Variants in CHKA observed in about 807,000 individuals in gnomAD.
The protein encoded by CHKA is CHETK-alpha.
Under a neutral mutation model 60.1 loss-of-function variants are expected in CHKA, and 34 were observed. The observed-to-expected ratio is 0.57, with a 90% confidence interval of 0.43 to 0.75. CHKA has a LOEUF of 0.75. CHKA is among the 30% of genes least tolerant of loss of function. The probability of loss-of-function intolerance (pLI) is 0.00; values close to 1 mark genes in which losing one functional copy is unlikely to be tolerated. For synonymous variants in CHKA, 217 were observed against 223.1 expected (o/e 0.97, Z 0.24); for missense variants, 563 against 561.3 (o/e 1.00, Z -0.03).
intron 10 of CHKA, among the ~76,000 whole-genome samples, chr11:68,062,588 A>G (rs925708570): frequency 1.3e-5 from 2 of 152,130 alleles, no homozygotes; most frequent in African/African-American, 4.8e-5. Flanking sequence ...CCAAGCCCCC[A>G]AGTCACTGTG....
At position 68,053,194 on chromosome 11, in the gene CHKA, G is replaced by C. The variant is rs567566635; in HGVS notation, c.*794C>G. 1 of 156,378 alleles carries C rather than the reference G, an allele frequency of 6.4e-6. No individual in the cohort carries two copies. The highest frequency in any genetic ancestry group is 6.4e-5 in the Admixed American group (1 of 15,646). 9.7% of individuals were successfully genotyped at this position (156,378 alleles called of 1,614,324 possible). ...GCAGAGGGCAGGAGAGGCCCAAAGA[G>C]CTAGGTCAAGCAGCTGGCTCCCCTG... On this transcript the variant is annotated 3_prime_UTR_variant, in exon 12 of 12. Transcript: ENST00000265689.
chr11:68,064,555 A>G lies in CHKA; in HGVS notation c.1202T>C (p.Ile401Thr), dbSNP rs145358463. Residue 401 changes from isoleucine to threonine, a missense_variant, in exon 10 of 12, where the codon ATA becomes ACA. Transcript: ENST00000265689. ...ENLSTEEKSI[I>T]KEEMLLEVNR... Reference sequence around the variant, plus strand: ...AACTTCAAGCAACATTTCTTCTTTTATAATGGATTTTTCTTCAGTACTGAG... The same window carrying G: ...AACTTCAAGCAACATTTCTTCTTTTGTAATGGATTTTTCTTCAGTACTGAG... 1.0e-5 allele frequency: 16 copies of G among 1,576,636 alleles called. No homozygotes were observed. The African/African-American group carries it at 1.9e-4, about 19-fold the overall frequency.
intron 5 of CHKA, 42 bp downstream of exon 5, chr11:68,070,682 C>T (rs1226403439): frequency 6.3e-7 from 1 of 1,588,452 alleles, no homozygotes; most frequent in Non-Finnish European, 8.6e-7. Context: ...TGGGAGCCAC[C>T]ACTGTAAAAC....
At chr11:68,077,057 G>A (rs967383939) in intron 3 of CHKA, among the ~76,000 whole-genome samples, 2 of 152,216 alleles carry the variant, frequency 1.3e-5, no homozygotes, top group African/African-American at 2.4e-5. Context: ...GGCCAACAGG[G>A]TGAAACCCTG....
intron 2 of CHKA, among the ~76,000 whole-genome samples, chr11:68,083,342 T>C (rs1857046736): frequency 6.6e-6 from 1 of 152,112 alleles, no homozygotes; most frequent in Non-Finnish European, 1.5e-5. Context: ...AGTCCTTGTG[T>C]TTTTTTCTCC....
chr11:68,095,721 A>AC (rs1857485570), intron 2 of CHKA, among the ~76,000 whole-genome samples: 3 of 143,198 alleles, frequency 2.1e-5, no homozygotes, highest in African/African-American at 7.8e-5. Flanking sequence ...AAAAAAAAAA[A>AC]AAAAAAAAAA....
intron 8 of CHKA, 38 bp from the exon 9 acceptor site, chr11:68,065,932 A>T: frequency 7.0e-7 from 1 of 1,429,668 alleles, no homozygotes; most frequent in Non-Finnish European, 9.8e-7. Context: ...CAATGAGGCA[A>T]ACCGTATGCC....
intron 8 of CHKA, 53 bp from the exon 9 acceptor site, chr11:68,065,947 G>A (rs1856428766): frequency 2.3e-6 from 3 of 1,298,060 alleles, no homozygotes; most frequent in Non-Finnish European, 3.3e-6. Context: ...TATGCCTGGA[G>A]GCTCCCTGAC....
In CHKA at chr11:68,061,974, T is replaced by A; in HGVS notation, c.1293A>T (p.Ser431=). ...GLWSIVQAKI[S]SIEFGYMDYA... is the part of the protein sequence containing the mutation. ...ATACCATGTACCCAAATTCAATAGA[T>A]GAAATCTTGGCTTGTACAATGGACC... Residue 431 remains serine, a synonymous_variant, in exon 11 of 12, where the codon TCA becomes TCT. Coordinates refer to ENST00000265689, the MANE Select transcript of CHKA (RefSeq NM_001277.3). The A allele has an allele frequency of 1.9e-6, 3 of 1,594,032 alleles. No individual in the cohort carries two copies. The highest frequency in any genetic ancestry group is 2.6e-6 in the Non-Finnish European group (3 of 1,170,368).
At chr11:68,083,410 G>T (rs1378264514) in intron 2 of CHKA, among the ~76,000 whole-genome samples, 1 of 152,028 alleles carries the variant, frequency 6.6e-6, no homozygotes. Flanking sequence ...TTAATACTTT[G>T]CAGTATAAGC....
At chr11:68,106,000 C>T (rs1857902390) in intron 1 of CHKA, among the ~76,000 whole-genome samples, 1 of 152,078 alleles carries the variant, frequency 6.6e-6, no homozygotes, top group Non-Finnish European at 1.5e-5. Context: ...ATCTTTAAGC[C>T]ATAGGGCTGG....
chr11:68,096,153 C>G (rs1386163397), intron 2 of CHKA, among the ~76,000 whole-genome samples: 1 of 151,926 alleles, frequency 6.6e-6, no homozygotes, highest in African/African-American at 2.4e-5. Flanking sequence ...CACTTGAGGT[C>G]AGGAGTTTGA....
At position 68,107,564 on chromosome 11, in the gene CHKA, T is replaced by C. The variant is rs1308657447; in HGVS notation, c.351-10434A>G. On this transcript the variant is annotated intron_variant, in intron 1 of 11. Coordinates refer to ENST00000265689, the MANE Select transcript of CHKA (RefSeq NM_001277.3). Reference sequence around the variant, plus strand: ...CCCTATCTCCCAAATTCTCTCCTCCTTTCCATTCTCAATGCTCCTGCCCAA... The same window carrying C: ...CCCTATCTCCCAAATTCTCTCCTCCCTTCCATTCTCAATGCTCCTGCCCAA... 2.0e-5 allele frequency among the ~76,000 whole-genome samples: 3 copies of C among 152,024 alleles called. No individual in the cohort carries two copies. The East Asian group carries it at 5.8e-4, about 29-fold the overall frequency.
At position 68,070,714 on chromosome 11, in the gene CHKA, G is replaced by C; in HGVS notation, c.764+10C>G. The stretch of plus-strand genomic sequence containing the variant: ...AAACTATGTTAGGACCAAGTGATTT[G>C]ACCACTTACTTTTCCATTGTGCCAA... On this transcript the variant is annotated intron_variant, in intron 5 of 11. Coordinates refer to ENST00000265689, the MANE Select transcript of CHKA (RefSeq NM_001277.3). The C allele has an allele frequency of 6.2e-7, 1 of 1,607,590 alleles. No homozygotes were observed. Among genetic ancestry groups the C allele is most frequent in the South Asian group, 1.1e-5 (1 of 90,828 alleles).
At chr11:68,073,424 C>T (rs1222966139) in intron 4 of CHKA, among the ~76,000 whole-genome samples, 1 of 152,138 alleles carries the variant, frequency 6.6e-6, no homozygotes, top group African/African-American at 2.4e-5. Flanking sequence ...GAGGCCAAGG[C>T]GGGTGGATCA....
At position 68,085,925 on chromosome 11, in the gene CHKA, G is replaced by A. The variant is rs369054212; in HGVS notation, c.463-4468C>T. Among the ~76,000 whole-genome samples, 7 of 152,066 alleles carry A rather than the reference G, an allele frequency of 4.6e-5. No individual in the cohort carries two copies. In the South Asian group the frequency reaches 1.0e-3, roughly 23 times the overall value. ...ATTACAGGTGTGTGCCACCACGCCC[G>A]GCTATTTAGGCTTTGTATTTTAAAT... is the stretch of plus-strand genomic sequence containing the variant. On this transcript the variant is annotated intron_variant, in intron 2 of 11. Transcript: ENST00000265689.
intron 3 of CHKA, among the ~76,000 whole-genome samples, chr11:68,076,725 CAT>C (rs1000328280): frequency 6.6e-6 from 1 of 152,140 alleles, no homozygotes; most frequent in Non-Finnish European, 1.5e-5. Flanking sequence ...ATCGTCAACA[CAT>C]GTCACCAGCA....
At chr11:68,077,053 C>A (rs774109234) in intron 3 of CHKA, among the ~76,000 whole-genome samples, 9 of 152,076 alleles carry the variant, frequency 5.9e-5, no homozygotes, top group Non-Finnish European at 5.9e-5. Flanking sequence ...GCGTGGCCAA[C>A]AGGGTGAAAC....
At chr11:68,081,273 C>A in intron 3 of CHKA, 131 bp downstream of exon 3, 1 of 668,086 alleles carries the variant, frequency 1.5e-6, no homozygotes, top group Non-Finnish European at 2.6e-6. Flanking sequence ...ATACCAAGAG[C>A]CCCTCCTCGT....
Sources: allele counts gnomAD v4.1 joint callset (sites outside exome capture counted in the v4.1 genomes callset), GRCh38; gene constraint gnomAD v4.1.1; transcripts MANE v1.5; gene names NCBI Gene and HGNC (gene_info 2026-07-23, HGNC 2026-07-21).